The following DNAJC10 variants were observed in gnomAD, a reference collection of about 807,000 sequenced individuals.
DNAJC10 encodes endoplasmic reticulum disulfide reductase DNAJC10.
In DNAJC10, 101 loss-of-function variants were observed where a neutral mutation model predicts 115.0. The observed-to-expected ratio is 0.88, with a 90% confidence interval of 0.75 to 1.04. The LOEUF is 1.04. DNAJC10 is among the 50% of genes least tolerant of loss of function. DNAJC10 has a pLI of 0.00. For synonymous variants in DNAJC10, 307 were observed against 301.5 expected (o/e 1.02, Z -0.19); for missense variants, 981 against 928.8 (o/e 1.06, Z -0.73).
At chr2:182,750,730 C>T (rs1029401219) in intron 14 of DNAJC10, among the ~76,000 whole-genome samples, 2 of 152,058 alleles carry the variant, frequency 1.3e-5, no homozygotes, top group African/African-American at 2.4e-5. Flanking sequence ...TGTAACACAG[C>T]GGTAAGAGTT....
At chr2:182,753,738 A>G (rs1694087193) in intron 16 of DNAJC10, among the ~76,000 whole-genome samples, 2 of 151,312 alleles carry the variant, frequency 1.3e-5, no homozygotes, top group Admixed American at 1.3e-4. Flanking sequence ...ACCCGCCACC[A>G]CGTCCGGCTA....
At position 182,793,850 on chromosome 2, in the gene DNAJC10, ACAC is replaced by A. The variant is rs1695096261; in HGVS notation, c.*16719_*16721del. The A allele has an allele frequency of 6.7e-6, 1 of 150,188 alleles. No homozygotes were observed. Among genetic ancestry groups the A allele is most frequent in the African/African-American group, 2.4e-5 (1 of 40,936 alleles). 9.3% of individuals were successfully genotyped at this position (150,188 alleles called of 1,614,324 possible). On this transcript the variant is annotated 3_prime_UTR_variant, in exon 24 of 24. Transcript: ENST00000264065. ...CACACACACACACACACACACACAC[ACAC>A]ACACACACACACTACCTACAAAAAA...
chr2:182,773,164 C>T (rs2105706761), intron 22 of DNAJC10, among the ~76,000 whole-genome samples: 1 of 152,336 alleles, frequency 6.6e-6, no homozygotes, highest in South Asian at 2.1e-4. Context: ...TTGGCCCCCA[C>T]TATCTCCTGG....
At chr2:182,745,788 G>A (rs1693847875) in intron 14 of DNAJC10, among the ~76,000 whole-genome samples, 2 of 150,784 alleles carry the variant, frequency 1.3e-5, no homozygotes, top group Non-Finnish European at 2.9e-5. Flanking sequence ...TGCACAATGT[G>A]CAGGTTAATT....
chr2:182,720,591 G>A (rs1693125926), intron 4 of DNAJC10, among the ~76,000 whole-genome samples: 1 of 152,124 alleles, frequency 6.6e-6, no homozygotes, highest in Non-Finnish European at 1.5e-5. Context: ...ATGCTGTACA[G>A]ATTTGTAGAC....
At chr2:182,752,674 G>T in intron 16 of DNAJC10, 1 of 462,836 alleles carries the variant, frequency 2.2e-6, no homozygotes, top group Non-Finnish European at 2.8e-6. Context: ...ATATACCGTA[G>T]AATGAAAGTA....
chr2:182,739,359 G>A (rs1693673298), intron 11 of DNAJC10, among the ~76,000 whole-genome samples: 1 of 151,052 alleles, frequency 6.6e-6, no homozygotes, highest in South Asian at 2.1e-4. Flanking sequence ...CTCATGTCTA[G>A]CATGATTAAA....
chr2:182,716,604 G>T (rs288265), intron 1 of DNAJC10, 121 bp downstream of exon 1: 98,830 of 152,376 alleles, frequency 0.65, 32,380 homozygotes, highest in Middle Eastern at 0.73. Context: ...TTAAGACCTG[G>T]ATATTGTGTT....
chr2:182,738,912 AT>A, intron 11 of DNAJC10, among the ~76,000 whole-genome samples: 1 of 152,114 alleles, frequency 6.6e-6, no homozygotes, highest in Non-Finnish European at 1.5e-5. Context: ...CAGAGGCTAG[AT>A]AAGACAGCAG....
chr2:182,717,380 A>G (rs1693022187), intron 2 of DNAJC10, among the ~76,000 whole-genome samples: 1 of 152,160 alleles, frequency 6.6e-6, no homozygotes, highest in African/African-American at 2.4e-5. Flanking sequence ...AATTCAGTAT[A>G]AGCACCTTCT....
chr2:182,741,890 T>C (rs1693746513), intron 13 of DNAJC10, among the ~76,000 whole-genome samples: 1 of 152,154 alleles, frequency 6.6e-6, no homozygotes, highest in Non-Finnish European at 1.5e-5. Flanking sequence ...CGTGTAAATT[T>C]ATATGTCTGT....
At position 182,754,805 on chromosome 2, in the gene DNAJC10, G is replaced by C. The variant is rs528080597; in HGVS notation, c.1552-198G>C. ...ATGGAGCAGCTATAAATAAGGATCA[G>C]GTATTCATCAGTATTTAGCAGTATT... On this transcript the variant is annotated intron_variant, in intron 16 of 23. Coordinates refer to ENST00000264065, the MANE Select transcript of DNAJC10 (RefSeq NM_018981.4). 18 of 1,334,598 alleles carry C rather than the reference G, an allele frequency of 1.3e-5. No homozygotes were observed. In the East Asian group the frequency reaches 5.0e-4, roughly 37 times the overall value. 82.7% of individuals were successfully genotyped at this position (1,334,598 alleles called of 1,614,324 possible). A position where few individuals can be genotyped will look rare whatever the true frequency, so the allele number is the denominator to read the frequency against.
intron 8 of DNAJC10, chr2:182,730,609 G>T: frequency 2.2e-6 from 1 of 445,868 alleles, no homozygotes; most frequent in Non-Finnish European, 4.5e-6. Flanking sequence ...CTTCTTGAAA[G>T]AAGTCATATC....
Position 182,743,714 on chromosome 2 carries a change from T to G in DNAJC10, c.1306+2T>G. The G allele has an allele frequency of 6.4e-7, 1 of 1,565,510 alleles. No homozygotes were observed. Among genetic ancestry groups the G allele is most frequent in the Non-Finnish European group, 8.7e-7 (1 of 1,149,634 alleles). On this transcript the variant is annotated splice_donor_variant, in intron 14 of 23. Transcript: ENST00000264065. LOFTEE classifies it high-confidence loss of function. ...CCAAAGAATATGAAATTCATCATGGTAAGAATGGAAAAAAATGATAAAAAA... is the reference window on the plus strand; with the variant it reads ...CCAAAGAATATGAAATTCATCATGGGAAGAATGGAAAAAAATGATAAAAAA...
Position 182,759,320 on chromosome 2 carries a change from T to C in DNAJC10, c.2145+13T>C, listed in dbSNP as rs1167670492. The C allele has an allele frequency of 1.9e-6, 3 of 1,598,910 alleles. No homozygotes were observed. The highest frequency in any genetic ancestry group is 1.2e-5 in the South Asian group (1 of 86,888). On this transcript the variant is annotated intron_variant, in intron 21 of 23. Transcript: ENST00000264065. ...GCTCTTGGCTAGGGTAAGTCATACC[T>C]GTCTTAAATAAGTTGTAGCCACATT...
chr2:182,777,168 T>C lies in DNAJC10; in HGVS notation c.*36T>C. 7.6e-7 allele frequency: 1 copy of C among 1,318,744 alleles called. No individual in the cohort carries two copies. The highest frequency in any genetic ancestry group is 1.0e-6 in the Non-Finnish European group (1 of 971,310). The allele number at this position is 1,318,744 out of a possible 1,614,324, so 81.7% of individuals were successfully genotyped here. A position where few individuals can be genotyped will look rare whatever the true frequency, so the allele number is the denominator to read the frequency against. The stretch of plus-strand genomic sequence containing the variant: ...GATGAAGAAAAAGTTTAAAAGAAAT[T>C]CTGACAGATGACATCAGAAGACACC... On this transcript the variant is annotated 3_prime_UTR_variant, in exon 24 of 24. Coordinates refer to ENST00000264065, the MANE Select transcript of DNAJC10 (RefSeq NM_018981.4).
Position 182,759,223 on chromosome 2 carries a change from G to GA in DNAJC10, c.2066dup (p.Asn689LysfsTer6), listed in dbSNP as rs1694231825. 6.2e-7 allele frequency: 1 copy of GA among 1,609,610 alleles called. No individual in the cohort carries two copies. Among genetic ancestry groups the GA allele is most frequent in the African/African-American group, 1.3e-5 (1 of 74,664 alleles). On this transcript the variant is annotated frameshift_variant, in exon 21 of 24. Coordinates refer to ENST00000264065, the MANE Select transcript of DNAJC10 (RefSeq NM_018981.4). LOFTEE classifies it high-confidence loss of function. ...CTTTCAGTGAAAAAGTTCTACAAGG[G>GA]AAAAATCATTGGGTGATTGATTTCT... is the stretch of plus-strand genomic sequence containing the variant.
intron 14 of DNAJC10, among the ~76,000 whole-genome samples, chr2:182,745,904 A>G (rs1455202773): frequency 1.3e-5 from 2 of 151,800 alleles, no homozygotes; most frequent in Non-Finnish European, 2.9e-5. Context: ...CCACCCCACA[A>G]CAGTACCCAG....
intron 2 of DNAJC10, 99 bp downstream of exon 2, chr2:182,717,171 G>C (rs1693015849): frequency 6.6e-6 from 1 of 152,162 alleles, no homozygotes. Flanking sequence ...CGATCTCTTT[G>C]GAACTAAAAT....
Sources: allele counts gnomAD v4.1 joint callset (sites outside exome capture counted in the v4.1 genomes callset), GRCh38; gene constraint gnomAD v4.1.1; transcripts MANE v1.5; gene names NCBI Gene and HGNC (gene_info 2026-07-23, HGNC 2026-07-21).